Variants in FAM118B observed in about 807,000 individuals in gnomAD.
FAM118B encodes the protein SIR2 antiphage like 1, also known as protein FAM118B.
A neutral mutation model predicts 38.5 loss-of-function variants in FAM118B; 24 were observed. That is an observed-to-expected ratio of 0.62 (90% CI 0.45 to 0.88). The LOEUF (loss-of-function observed/expected upper bound fraction) is 0.88. Ranked by LOEUF, FAM118B falls within the 40% of genes least tolerant of loss-of-function variation. FAM118B has a pLI of 0.00. For synonymous variants in FAM118B, 138 were observed against 156.3 expected, an observed-to-expected ratio of 0.88 and a Z score of 0.87; for missense variants, 334 against 420.0, an observed-to-expected ratio of 0.80 and a Z score of 1.79.
chr11:126,237,923 T>C (rs1258375069), intron 3 of FAM118B, among the ~76,000 whole-genome samples: 1 of 152,030 alleles, frequency 6.6e-6, no homozygotes, highest in Non-Finnish European at 1.5e-5. Context: ...TTAATTTTTT[T>C]TTCTCCTTCC....
intron 4 of FAM118B, among the ~76,000 whole-genome samples, chr11:126,246,553 C>G (rs1950421137): frequency 6.6e-6 from 1 of 152,150 alleles, no homozygotes; most frequent in African/African-American, 2.4e-5. Context: ...ATAGTTGATG[C>G]ACTAGAAATG....
chr11:126,235,740 C>T (rs1333004401), intron 3 of FAM118B, among the ~76,000 whole-genome samples: 3 of 152,138 alleles, frequency 2.0e-5, no homozygotes, highest in African/African-American at 4.8e-5. Flanking sequence ...AGGCTGGTCT[C>T]GAACCCCTGA....
At chr11:126,219,914 T>C (rs1300915719) in intron 1 of FAM118B, among the ~76,000 whole-genome samples, 1 of 151,600 alleles carries the variant, frequency 6.6e-6, no homozygotes, top group African/African-American at 2.4e-5. Flanking sequence ...TTAATTTTAA[T>C]AAGACATTGA....
In FAM118B at chr11:126,262,816, G is replaced by A. The variant is rs1485648191; in HGVS notation, c.*683G>A. 3 of 152,556 alleles carry A rather than the reference G, an allele frequency of 2.0e-5. No homozygotes were observed. Among genetic ancestry groups the A allele is most frequent in the African/African-American group, 7.2e-5 (3 of 41,444 alleles). The allele number at this position is 152,556 out of a possible 1,614,324, so 9.5% of individuals were successfully genotyped here. ...AACCGTTTACTTACCTGATTCCTCG[G>A]AGCATTATCAACTTCTGCTCTGTTG... On this transcript the variant is annotated 3_prime_UTR_variant, in exon 9 of 9. Coordinates refer to ENST00000533050, the MANE Select transcript of FAM118B (RefSeq NM_024556.4).
In FAM118B at chr11:126,253,210, C is replaced by T. The variant is rs1330674923; in HGVS notation, c.568-1095C>T. 2.6e-5 allele frequency among the ~76,000 whole-genome samples: 4 copies of T among 152,102 alleles called. No individual in the cohort carries two copies. Among genetic ancestry groups the T allele is most frequent in the Admixed American group, 2.6e-4 (4 of 15,252 alleles). On this transcript the variant is annotated intron_variant, in intron 5 of 8. Transcript: ENST00000533050. The surrounding 1 kb of genome is among the most constrained non-coding windows in gnomAD (Gnocchi z 5.1). ...TTTCCTTCTCATTTCATCCTTGGGC[C>T]TCAAGATTTGCATTGTATTTTCAGC...
chr11:126,230,044 A>G (rs1950188366), intron 2 of FAM118B, among the ~76,000 whole-genome samples: 1 of 152,178 alleles, frequency 6.6e-6, no homozygotes, highest in Non-Finnish European at 1.5e-5. Flanking sequence ...CTAAGGGATA[A>G]AATTAGGAGC....
chr11:126,213,036 C>G (rs921637956), intron 1 of FAM118B, among the ~76,000 whole-genome samples: 3 of 152,106 alleles, frequency 2.0e-5, no homozygotes, highest in Non-Finnish European at 4.4e-5. Context: ...GTCTTTTCCC[C>G]CTACACTGTA....
At chr11:126,249,731 CAAAAAAA>C (rs71048775) in intron 4 of FAM118B, among the ~76,000 whole-genome samples, 4 of 79,014 alleles carry the variant, frequency 5.1e-5, no homozygotes, top group Admixed American at 1.8e-4. Context: ...GACTCCGTCT[CAAAAAAA>C]AAAAAAAAAA....
chr11:126,247,587 C>T (rs950775702), intron 4 of FAM118B, among the ~76,000 whole-genome samples: 25 of 152,032 alleles, frequency 1.6e-4, no homozygotes, highest in Non-Finnish European at 2.9e-4. Context: ...TTTGCCAGCG[C>T]GGTGGCTCAC....
intron 3 of FAM118B, among the ~76,000 whole-genome samples, chr11:126,238,232 C>T (rs1362055753): frequency 2.6e-5 from 4 of 151,934 alleles, no homozygotes; most frequent in African/African-American, 4.8e-5. Flanking sequence ...TGTGGTGGCA[C>T]GTGCCTGTAA....
chr11:126,213,131 ATT>A (rs35458545), intron 1 of FAM118B, among the ~76,000 whole-genome samples: 1 of 149,430 alleles, frequency 6.7e-6, no homozygotes. Flanking sequence ...CCCTGGAAGA[ATT>A]TTTTTTTTTA....
Position 126,240,826 on chromosome 11 carries a change from C to T in FAM118B, c.121C>T (p.Arg41Ter), listed in dbSNP as rs377443610. Residue 41 changes from arginine to a stop codon, truncating the protein, a stop_gained, in exon 4 of 9, where the codon CGA becomes TGA. Coordinates refer to ENST00000533050, the MANE Select transcript of FAM118B (RefSeq NM_024556.4). LOFTEE classifies it high-confidence loss of function. ...LLPSLKTKKPRELVLVIGTGI... is the reference protein window; with the variant it reads ...LLPSLKTKKP ...TCCAAGCTTAAAAACTAAGAAGCCTCGAGAACTTGTGCTAGTGATTGGAAC... is the reference window on the plus strand; with the variant it reads ...TCCAAGCTTAAAAACTAAGAAGCCTTGAGAACTTGTGCTAGTGATTGGAAC... 14 of 1,610,406 alleles carry T rather than the reference C, an allele frequency of 8.7e-6. No homozygotes were observed. The highest frequency in any genetic ancestry group is 5.5e-5 in the South Asian group (5 of 90,594).
intron 4 of FAM118B, among the ~76,000 whole-genome samples, chr11:126,247,629 G>C (rs1418962532): frequency 6.6e-6 from 1 of 152,064 alleles, no homozygotes; most frequent in Non-Finnish European, 1.5e-5. Context: ...GGAGGCCGAG[G>C]CGGGCAGATC....
intron 1 of FAM118B, among the ~76,000 whole-genome samples, chr11:126,220,094 C>T (rs189172173): frequency 2.6e-5 from 4 of 152,180 alleles, no homozygotes; most frequent in African/African-American, 9.6e-5. Flanking sequence ...CACATAAATC[C>T]GAATGTCAGC....
At chr11:126,222,066 G>A (rs966806036) in intron 1 of FAM118B, among the ~76,000 whole-genome samples, 2 of 152,092 alleles carry the variant, frequency 1.3e-5, no homozygotes, top group African/African-American at 4.8e-5. Flanking sequence ...AGATGGTATT[G>A]TTTTGTGTCT....
At chr11:126,223,905 G>A (rs1565326371) in intron 1 of FAM118B, among the ~76,000 whole-genome samples, 2 of 152,302 alleles carry the variant, frequency 1.3e-5, no homozygotes, top group South Asian at 4.1e-4. Context: ...AGGACGATTG[G>A]CATATCCAAA....
intron 3 of FAM118B, among the ~76,000 whole-genome samples, chr11:126,239,716 G>A (rs1358611431): frequency 6.6e-6 from 1 of 152,150 alleles, no homozygotes; most frequent in Admixed American, 6.5e-5. Flanking sequence ...GTTTCACCAT[G>A]TTGGCCAGGC....
chr11:126,245,799 C>G lies in FAM118B; in HGVS notation c.340-4707C>G, dbSNP rs371514995. Among the ~76,000 whole-genome samples the G allele has an allele frequency of 7.2e-5, 11 of 152,180 alleles. No individual in the cohort carries two copies. The East Asian group carries it at 2.1e-3, about 29-fold the overall frequency. On this transcript the variant is annotated intron_variant, in intron 4 of 8. Coordinates refer to ENST00000533050, the MANE Select transcript of FAM118B (RefSeq NM_024556.4). The stretch of plus-strand genomic sequence containing the variant: ...ATCACCTGAGGTCGGAAGTTCGAGA[C>G]CAGCCTGGCCAACATGGTGAAACCC...
chr11:126,256,948 G>A lies in FAM118B; in HGVS notation c.982+96G>A. 7.6e-7 allele frequency: 1 copy of A among 1,310,474 alleles called. No individual in the cohort carries two copies. The allele number at this position is 1,310,474 out of a possible 1,614,324, so 81.2% of individuals were successfully genotyped here. A position where few individuals can be genotyped will look rare whatever the true frequency, so the allele number is the denominator to read the frequency against. On this transcript the variant is annotated intron_variant, in intron 7 of 8. Transcript: ENST00000533050. This position sits in a 1 kb window ranked among gnomAD's most constrained non-coding sequence, Gnocchi z 6.6. ...TGATGGGCAAAATAGTTGCCAAGAT[G>A]AGGAATGTAATGACTGACCAAATTG...
Sources: allele counts gnomAD v4.1 joint callset (sites outside exome capture counted in the v4.1 genomes callset), GRCh38; gene constraint gnomAD v4.1.1; non-coding constraint Gnocchi (gnomAD v3.1); transcripts MANE v1.5; gene names NCBI Gene and HGNC (gene_info 2026-07-23, HGNC 2026-07-21).